The following MUC5B variants were observed in gnomAD, a reference collection of about 807,000 sequenced individuals.
MUC5B encodes mucin-5B.
MUC5B carries 116 observed loss-of-function variants against 376.9 expected under a neutral mutation model. That is an observed-to-expected ratio of 0.31 (90% CI 0.26 to 0.36). The LOEUF (loss-of-function observed/expected upper bound fraction) is 0.36, where lower values mean the gene tolerates loss of function less well. Among genes scored for constraint, MUC5B ranks in the 10% least tolerant of loss-of-function variants. The pLI, the probability that MUC5B is intolerant of heterozygous loss-of-function variation, is 1.00. For synonymous variants in MUC5B, 3,517 were observed against 3,390.9 expected, an observed-to-expected ratio of 1.04 and a Z score of -1.29; for missense variants, 7,165 against 7,769.9, an observed-to-expected ratio of 0.92 and a Z score of 2.93.
chr11:1,231,532 G>A lies in MUC5B; in HGVS notation c.1650G>A (p.Leu550=), dbSNP rs1173946704. Residue 550 remains leucine (L), a synonymous_variant, in exon 14 of 49, where the codon CTG becomes CTA. Coordinates refer to ENST00000529681, the MANE Select transcript of MUC5B (RefSeq NM_002458.3). ...CACTCATGCAGGTGTTTGTCAGGCT[G>A]GACCCCGCCCACCAGGGCCAGATGT... is the stretch of plus-strand genomic sequence containing the variant. ...LVPLMQVFVR[L]DPAHQGQMCG... 6.3e-7 allele frequency: 1 copy of A among 1,590,562 alleles called. No individual in the cohort carries two copies. Among genetic ancestry groups the A allele is most frequent in the Non-Finnish European group, 8.5e-7 (1 of 1,170,182 alleles).
chr11:1,245,770 T>C lies in MUC5B; in HGVS notation c.8890T>C (p.Phe2964Leu), dbSNP rs1234957571. 16 of 1,612,544 alleles carry C rather than the reference T, an allele frequency of 9.9e-6. No individual in the cohort carries two copies. The highest frequency in any genetic ancestry group is 1.4e-5 in the Non-Finnish European group (16 of 1,179,668). ...GTGCTTCAACTATGAAATCCGTGTG[T>C]TCTGCTGCAACTACGGCCACTGCCC... Reference protein sequence around the residue: ...KMCFNYEIRVFCCNYGHCPST... With the variant: ...KMCFNYEIRVLCCNYGHCPST... Residue 2964 changes from phenylalanine (F) to leucine (L), a missense_variant, in exon 31 of 49, where the codon TTC becomes CTC. Phe to Leu is a conservative substitution (Grantham distance 22). Around this residue, in one of 31 missense-constraint regions of MUC5B, gnomAD observed 57 missense variants for 167.2 expected, o/e 0.34. Transcript: ENST00000529681.
rs762339859 is a variant in MUC5B, at chr11:1,258,933, C to A, written c.16594-9C>A. On this transcript the variant is annotated splice_polypyrimidine_tract_variant and intron_variant, in intron 43 of 48. Transcript: ENST00000529681. This position sits in a 1 kb window ranked among gnomAD's most constrained non-coding sequence, Gnocchi z 5.5. ...AGTGCCCTCAGTGCCACCCTCCCACCCCTTGCAGGTTGGTGCAACCTTCCC... is the reference window on the plus strand; with the variant it reads ...AGTGCCCTCAGTGCCACCCTCCCACACCTTGCAGGTTGGTGCAACCTTCCC... The A allele has an allele frequency of 1.3e-6, 2 of 1,550,690 alleles. No homozygotes were observed. The highest frequency in any genetic ancestry group is 2.0e-5 in the Admixed American group (1 of 51,054).
At position 1,234,265 on chromosome 11, in the gene MUC5B, C is replaced by T. The variant is rs746115092; in HGVS notation, c.2438C>T (p.Ala813Val). The T allele has an allele frequency of 3.1e-6, 5 of 1,606,712 alleles. No individual in the cohort carries two copies. In the African/African-American group the frequency reaches 5.3e-5, roughly 17 times the overall value. Residue 813 changes from alanine (A) to valine (V), a missense_variant, in exon 20 of 49, where the codon GCC becomes GTC. Coordinates refer to ENST00000529681, the MANE Select transcript of MUC5B (RefSeq NM_002458.3). The surrounding 1 kb of genome is among the most constrained non-coding windows in gnomAD (Gnocchi z 6.3). ...CSNSSAGTPGAECLRSCHTLD... is the reference protein window; with the variant it reads ...CSNSSAGTPGVECLRSCHTLD... Reference sequence around the variant, plus strand: ...AACAGCTCGGCGGGCACCCCTGGGGCCGAGTGCCTCCGGAGCTGCCACACG... The same window carrying T: ...AACAGCTCGGCGGGCACCCCTGGGGTCGAGTGCCTCCGGAGCTGCCACACG...
At position 1,258,111 on chromosome 11, in the gene MUC5B, C is replaced by T; in HGVS notation, c.16463C>T (p.Thr5488Ile). Reference sequence around the variant, plus strand: ...CATCCTCCCGCAGTGTGCAACACAACCACCTGCCCCCAGAGCCTGCCTGTG... The same window carrying T: ...CATCCTCCCGCAGTGTGCAACACAATCACCTGCCCCCAGAGCCTGCCTGTG... ...CPETVCVCNT[T>I]TCPQSLPVCP... The change falls in exon 42 of 49, where the codon ACC (threonine) becomes ATC (isoleucine). Residue 5488 changes from threonine (T) to isoleucine (I), a missense_variant. Physicochemically the swap from Thr to Ile is moderately conservative, Grantham distance 89. This residue lies in a region of MUC5B where 842 missense variants were observed against 1,016.9 expected (regional missense o/e 0.83). Transcript: ENST00000529681. The surrounding 1 kb of genome is among the most constrained non-coding windows in gnomAD (Gnocchi z 5.5). 6.3e-7 allele frequency: 1 copy of T among 1,588,040 alleles called. No homozygotes were observed. Among genetic ancestry groups the T allele is most frequent in the Non-Finnish European group, 8.5e-7 (1 of 1,169,616 alleles).
intron 25 of MUC5B, 127 bp from the exon 26 acceptor site, chr11:1,238,744 G>T (rs1411817703): frequency 9.5e-7 from 1 of 1,056,074 alleles, no homozygotes; most frequent in African/African-American, 1.6e-5. Flanking sequence ...CCAGGCCCCA[G>T]GAGCTCAGAG....
rs1487342243 is a variant in MUC5B at position 1,228,789 on chromosome 11, C to A, written c.976+24C>A. ...CCGTGAGTGCTCCCAGGGCCTTCGC[C>A]AGGGATTGTGCCAGAGAGAAGGGGC... On this transcript the variant is annotated intron_variant, in intron 8 of 48. Transcript: ENST00000529681. 4 of 1,384,364 alleles carry A rather than the reference C, an allele frequency of 2.9e-6. No individual in the cohort carries two copies. In the African/African-American group the frequency reaches 5.9e-5, roughly 20 times the overall value. 85.8% of individuals were successfully genotyped at this position (1,384,364 alleles called of 1,614,324 possible).
At chr11:1,239,386 C>T in intron 26 of MUC5B, 52 bp from the exon 27 acceptor site, 3 of 1,565,730 alleles carry the variant, frequency 1.9e-6, no homozygotes, top group Non-Finnish European at 2.6e-6. Context: ...CCCTGCACAA[C>T]AGGGGTGAGG....
rs201508611 is a variant in MUC5B at position 1,248,455 on chromosome 11, A to G, written c.11575A>G (p.Thr3859Ala). 3.0e-4 allele frequency: 486 copies of G among 1,610,390 alleles called. No individual in the cohort carries two copies. In the African/African-American group the frequency reaches 5.8e-3, roughly 19 times the overall value. ...GGCCACCCCCTCTTCCACCCCAGGA[A>G]CAGCTCACACTACCAAAGTGCCGAC... The part of the protein sequence containing the change: ...SVATPSSTPG[T>A]AHTTKVPTTT... The change falls in exon 31 of 49, where the codon ACA (threonine) becomes GCA (alanine). Residue 3859 changes from threonine to alanine, a missense_variant. Transcript: ENST00000529681.
Position 1,236,508 on chromosome 11 carries a change from C to T in MUC5B, c.3003C>T (p.Ala1001=), listed in dbSNP as rs763386600. Reference sequence around the variant, plus strand: ...TGGTCATCGAGACCCACGGGATGGCCGTGTCCTGGGACCGGAAGACCAGCG... The same window carrying T: ...TGGTCATCGAGACCCACGGGATGGCTGTGTCCTGGGACCGGAAGACCAGCG... ...IFLVIETHGM[A]VSWDRKTSVF... Residue 1001 remains alanine (A), a synonymous_variant, in exon 24 of 49, where the codon GCC becomes GCT. Transcript: ENST00000529681. 1.4e-5 allele frequency: 23 copies of T among 1,613,120 alleles called. No individual in the cohort carries two copies. The highest frequency in any genetic ancestry group is 4.5e-5 in the East Asian group (2 of 44,884).
chr11:1,248,440 T>G lies in MUC5B; in HGVS notation c.11560T>G (p.Ser3854Ala), dbSNP rs1367857456. 9 of 1,608,008 alleles carry G rather than the reference T, an allele frequency of 5.6e-6. 1 individual carries two copies. In the South Asian group the frequency reaches 6.6e-5, roughly 12 times the overall value. The change falls in exon 31 of 49, where the codon TCT becomes GCT. Residue 3854 changes from serine (S) to alanine (A), a missense_variant. Physicochemically the swap from Ser to Ala is moderately conservative, Grantham distance 99. Coordinates refer to ENST00000529681, the MANE Select transcript of MUC5B (RefSeq NM_002458.3). ...TRATGSVATP[S>A]STPGTAHTTK... ...GGCCACCGGCTCTGTGGCCACCCCC[T>G]CTTCCACCCCAGGAACAGCTCACAC...
chr11:1,230,951 G>C lies in MUC5B; in HGVS notation c.1486G>C (p.Ala496Pro), dbSNP rs1371911966. The C allele has an allele frequency of 6.3e-6, 10 of 1,593,430 alleles. No individual in the cohort carries two copies. The highest frequency in any genetic ancestry group is 8.5e-6 in the Non-Finnish European group (10 of 1,171,426). Residue 496 changes from alanine to proline, a missense_variant, in exon 13 of 49, where the codon GCG becomes CCG. This residue lies in a region of MUC5B where 640 missense variants were observed against 733.0 expected (regional missense o/e 0.87). Coordinates refer to ENST00000529681, the MANE Select transcript of MUC5B (RefSeq NM_002458.3). ...CCTTCCGCAGGCCATCCGGGTCCAA[G>C]CGGACGGCGGCGTGTTCCTCAACTC... is the stretch of plus-strand genomic sequence containing the variant. ...DGGDTAIRVQ[A>P]DGGVFLNSIY...
Position 1,243,696 on chromosome 11 carries a change from C to G in MUC5B, c.6816C>G (p.Thr2272=). The G allele has an allele frequency of 6.2e-7, 1 of 1,611,594 alleles. No homozygotes were observed. The highest frequency in any genetic ancestry group is 8.5e-7 in the Non-Finnish European group (1 of 1,179,604). The stretch of plus-strand genomic sequence containing the variant: ...CACCCCCTTCTCCAGGGACGACCAC[C>G]CCGGGCCACACCACGGCCACCTCCA... ...TESPPSPGTT[T]PGHTTATSRT... is the part of the protein sequence containing the mutation. Residue 2272 remains threonine (T), a synonymous_variant, in exon 31 of 49, where the codon ACC becomes ACG. Transcript: ENST00000529681.
chr11:1,234,168 CT>C lies in MUC5B; in HGVS notation c.2378-35del. 1.3e-6 allele frequency: 2 copies of C among 1,532,364 alleles called. No homozygotes were observed. The highest frequency in any genetic ancestry group is 1.8e-6 in the Non-Finnish European group (2 of 1,125,578). The allele number at this position is 1,532,364 out of a possible 1,614,324, so 94.9% of individuals were successfully genotyped here. A position where few individuals can be genotyped will look rare whatever the true frequency, so the allele number is the denominator to read the frequency against. ...GGGTCAGTTGAGGGCCGTGGCTGCC[CT>C]TCCCCAGGACCCCTCCCACCAAGCT... On this transcript the variant is annotated intron_variant, in intron 19 of 48. Coordinates refer to ENST00000529681, the MANE Select transcript of MUC5B (RefSeq NM_002458.3). The surrounding 1 kb of genome is among the most constrained non-coding windows in gnomAD (Gnocchi z 6.3).
In MUC5B at chr11:1,251,639, C is replaced by G; in HGVS notation, c.14759C>G (p.Thr4920Ser). The G allele has an allele frequency of 6.2e-7, 1 of 1,613,150 alleles. No homozygotes were observed. Among genetic ancestry groups the G allele is most frequent in the South Asian group, 1.1e-5 (1 of 91,084 alleles). The change falls in exon 31 of 49, where the codon ACT becomes AGT. Residue 4920 changes from threonine to serine, a missense_variant. Around this residue, in one of 31 missense-constraint regions of MUC5B, gnomAD observed 730 missense variants for 592.7 expected, o/e 1.23. Transcript: ENST00000529681. ...PSSLPTFSVSTVSSSVLTTLR... is the reference protein window; with the variant it reads ...PSSLPTFSVSSVSSSVLTTLR... ...AGCCTGCCAACCTTCAGCGTGTCCA[C>G]TGTGTCCTCCTCAGTCCTCACCACC...
In MUC5B at chr11:1,246,652, C is replaced by G. The variant is rs779916196; in HGVS notation, c.9772C>G (p.Pro3258Ala). Residue 3258 changes from proline (P) to alanine (A), a missense_variant, in exon 31 of 49, where the codon CCC becomes GCC. Transcript: ENST00000529681. Reference sequence around the variant, plus strand: ...GACCCGCCTATCACAGACCACCACACCCACGGCCACCATGTCCACAGCCAC... The same window carrying G: ...GACCCGCCTATCACAGACCACCACAGCCACGGCCACCATGTCCACAGCCAC... ...AWTRLSQTTT[P>A]TATMSTATPS... 4 of 1,612,342 alleles carry G rather than the reference C, an allele frequency of 2.5e-6. No homozygotes were observed. Among genetic ancestry groups the G allele is most frequent in the Non-Finnish European group, 3.4e-6 (4 of 1,178,946 alleles).
At position 1,243,350 on chromosome 11, in the gene MUC5B, C is replaced by T; in HGVS notation, c.6470C>T (p.Pro2157Leu). The change falls in exon 31 of 49, where the codon CCC (proline) becomes CTC (leucine). Residue 2157 changes from proline to leucine, a missense_variant. Around this residue, in one of 31 missense-constraint regions of MUC5B, gnomAD observed 897 missense variants for 779.6 expected, o/e 1.15. Coordinates refer to ENST00000529681, the MANE Select transcript of MUC5B (RefSeq NM_002458.3). ...CCCTCCTCAACTCCTGGGACAACTC[C>T]CATCCCCCCAGTGCTGACCACCACC... ...TNPSSTPGTTPIPPVLTTTAT... is the reference protein window; with the variant it reads ...TNPSSTPGTTLIPPVLTTTAT... 1.3e-6 allele frequency: 2 copies of T among 1,558,388 alleles called. No individual in the cohort carries two copies. Among genetic ancestry groups the T allele is most frequent in the East Asian group, 2.4e-5 (1 of 40,948 alleles).
At position 1,251,268 on chromosome 11, in the gene MUC5B, A is replaced by G; in HGVS notation, c.14388A>G (p.Thr4796=). The G allele has an allele frequency of 6.2e-7, 1 of 1,611,236 alleles. No individual in the cohort carries two copies. Reference sequence around the variant, plus strand: ...ACACCTCCACAGTGCTGACCACCACAGCCACCATGACAAGGGCCACCAATT... The same window carrying G: ...ACACCTCCACAGTGCTGACCACCACGGCCACCATGACAAGGGCCACCAATT... The part of the protein sequence containing the change: ...TTHTSTVLTT[T]ATMTRATNST... Residue 4796 remains threonine, a synonymous_variant, in exon 31 of 49, where the codon ACA becomes ACG. Coordinates refer to ENST00000529681, the MANE Select transcript of MUC5B (RefSeq NM_002458.3).
chr11:1,229,736 G>T lies in MUC5B; in HGVS notation c.1149G>T (p.Gly383=). 1 of 1,598,642 alleles carries T rather than the reference G, an allele frequency of 6.3e-7. No homozygotes were observed. The highest frequency in any genetic ancestry group is 8.5e-7 in the Non-Finnish European group (1 of 1,174,824). The change falls in exon 10 of 49, where the codon GGG becomes GGT. Residue 383 remains glycine, a synonymous_variant. Transcript: ENST00000529681. ...DITHSGCLPL[G]QCPCTHGGRT... ...CGCACTCTGGCTGCCTGCCCCTCGGGCAGTGCCCCTGCACCCACGGCGGCC... is the reference window on the plus strand; with the variant it reads ...CGCACTCTGGCTGCCTGCCCCTCGGTCAGTGCCCCTGCACCCACGGCGGCC...
At position 1,258,076 on chromosome 11, in the gene MUC5B, C is replaced by G; in HGVS notation, c.16451-23C>G. 1 of 1,553,706 alleles carries G rather than the reference C, an allele frequency of 6.4e-7. No homozygotes were observed. ...GGAGGAGGAGTGAGCAGCGCCCAGA[C>G]AGTGGCCTCCATCCTCCCGCAGTGT... On this transcript the variant is annotated intron_variant, in intron 41 of 48. Transcript: ENST00000529681. This position sits in a 1 kb window ranked among gnomAD's most constrained non-coding sequence, Gnocchi z 5.5.
Sources: gnomAD v4.1 joint callset for allele counts on GRCh38, gnomAD v4.1.1 for gene constraint, gnomAD v4.1.1 regional missense constraint, Gnocchi (gnomAD v3.1) non-coding constraint, MANE v1.5 for transcripts, NCBI Gene and HGNC (gene_info 2026-07-23, HGNC 2026-07-21) for gene names.